BTBD9: variants seen among roughly 807,000 people sequenced by gnomAD.
BTBD9 encodes BTB/POZ domain-containing protein 9.
BTBD9 carries 49 observed loss-of-function variants against 64.3 expected under a neutral mutation model. The ratio of observed to expected loss-of-function variants is 0.76; its 90% CI spans 0.61 to 0.97. The LOEUF (loss-of-function observed/expected upper bound fraction) is 0.97, where lower values mean the gene tolerates loss of function less well. BTBD9 is among the 50% of genes least tolerant of loss of function. The probability of loss-of-function intolerance (pLI) is 0.00; values close to 1 mark genes in which losing one functional copy is unlikely to be tolerated. For missense variants in BTBD9, 598 were observed against 762.1 expected (o/e 0.78, Z 2.53); for synonymous variants, 260 against 274.7 (o/e 0.95, Z 0.53).
chr6:38,434,742 T>A (rs1417970294), intron 6 of BTBD9, among the ~76,000 whole-genome samples: 1 of 152,034 alleles, frequency 6.6e-6, no homozygotes, highest in Non-Finnish European at 1.5e-5. Context: ...CTAGTAGTAG[T>A]CTATCATGCA....
At chr6:38,179,692 C>T (rs759931431) in intron 10 of BTBD9, 51 of 456,664 alleles carry the variant, frequency 1.1e-4, no homozygotes, top group Non-Finnish European at 2.1e-4. Context: ...AACCTCAGGG[C>T]TGTGCCTTCC....
At chr6:38,366,499 G>A (rs951026462) in intron 6 of BTBD9, among the ~76,000 whole-genome samples, 1 of 152,194 alleles carries the variant, frequency 6.6e-6, no homozygotes, top group African/African-American at 2.4e-5. Flanking sequence ...GTCATACAAA[G>A]CATGTATATA....
rs748768284 is a variant in BTBD9, at chr6:38,175,165, G to A, written c.1659C>T (p.His553=). Residue 553 remains histidine (H), a synonymous_variant, in exon 11 of 11, where the codon CAC becomes CAT. Transcript: ENST00000481247. ...TGCTCTGCTGCTCTGGACACTCAAAGTGGACACAGTGGAACACCTGGGAGA... is the reference window on the plus strand; with the variant it reads ...TGCTCTGCTGCTCTGGACACTCAAAATGGACACAGTGGAACACCTGGGAGA... ...NTANEVFHCV[H]FECPEQQSSQ... The A allele has an allele frequency of 1.9e-6, 3 of 1,614,084 alleles. No individual in the cohort carries two copies. The highest frequency in any genetic ancestry group is 2.7e-5 in the African/African-American group (2 of 74,912).
chr6:38,520,264 G>A (rs2127418907), intron 6 of BTBD9, among the ~76,000 whole-genome samples: 1 of 152,216 alleles, frequency 6.6e-6, no homozygotes. Context: ...GACCAGCCTG[G>A]CCAACATGGC....
intron 8 of BTBD9, among the ~76,000 whole-genome samples, chr6:38,272,581 A>G (rs1208260245): frequency 6.6e-6 from 1 of 152,070 alleles, no homozygotes; most frequent in Non-Finnish European, 1.5e-5. Flanking sequence ...AATCTCCATG[A>G]ATTTTCTGCT....
At chr6:38,289,381 A>T (rs532629811) in intron 7 of BTBD9, among the ~76,000 whole-genome samples, 47 of 152,142 alleles carry the variant, frequency 3.1e-4, no homozygotes, top group African/African-American at 8.2e-4. Context: ...CTCAAAAAAA[A>T]TTTTTTTTAA....
At chr6:38,367,658 G>C (rs984633070) in intron 6 of BTBD9, among the ~76,000 whole-genome samples, 1 of 151,908 alleles carries the variant, frequency 6.6e-6, no homozygotes, top group African/African-American at 2.4e-5. Context: ...GACCACAAAT[G>C]GTGCTTTCTT....
intron 6 of BTBD9, among the ~76,000 whole-genome samples, chr6:38,523,889 C>T (rs1053908213): frequency 6.6e-6 from 1 of 152,114 alleles, no homozygotes; most frequent in African/African-American, 2.4e-5. Context: ...CGGTTCACAC[C>T]CAGGCAGTGT....
chr6:38,634,698 C>T (rs1778473405), intron 1 of BTBD9, among the ~76,000 whole-genome samples: 1 of 152,028 alleles, frequency 6.6e-6, no homozygotes, highest in Non-Finnish European at 1.5e-5. Context: ...AAATCATATC[C>T]TCCCCATGAC....
At chr6:38,205,563 T>C (rs189456250) in intron 9 of BTBD9, among the ~76,000 whole-genome samples, 2,886 of 151,820 alleles carry the variant, frequency 0.019, 42 homozygotes, top group Non-Finnish European at 0.032. Flanking sequence ...AATAATAAAA[T>C]AAAAACTTCA....
intron 6 of BTBD9, among the ~76,000 whole-genome samples, chr6:38,501,546 C>A (rs1410484449): frequency 1.3e-5 from 2 of 152,100 alleles, no homozygotes; most frequent in Non-Finnish European, 2.9e-5. Context: ...TCACTGCAGT[C>A]CCTGCCAATT....
intron 7 of BTBD9, among the ~76,000 whole-genome samples, chr6:38,309,430 C>CT (rs903696933): frequency 4.6e-4 from 68 of 146,480 alleles, no homozygotes; most frequent in African/African-American, 6.2e-4. Flanking sequence ...TTATTTAATA[C>CT]TTTTTTTTTT....
chr6:38,345,737 C>T (rs539420349), intron 6 of BTBD9, among the ~76,000 whole-genome samples: 1 of 152,378 alleles, frequency 6.6e-6, no homozygotes, highest in South Asian at 2.1e-4. Context: ...GCCTGCTCTG[C>T]AGCCTCCCTC....
At chr6:38,623,276 C>CT (rs1177926682) in intron 1 of BTBD9, among the ~76,000 whole-genome samples, 2 of 152,174 alleles carry the variant, frequency 1.3e-5, no homozygotes, top group Non-Finnish European at 2.9e-5. Context: ...AAATTAGACT[C>CT]TATCAGTGCC....
intron 6 of BTBD9, among the ~76,000 whole-genome samples, chr6:38,550,617 C>T (rs74678053): frequency 6.6e-6 from 1 of 151,916 alleles, no homozygotes; most frequent in Non-Finnish European, 1.5e-5. Flanking sequence ...TGCCCAGCCT[C>T]TTTTTTTTCT....
chr6:38,579,893 C>T (rs1198101026), intron 5 of BTBD9, among the ~76,000 whole-genome samples: 1 of 151,702 alleles, frequency 6.6e-6, no homozygotes, highest in Non-Finnish European at 1.5e-5. Flanking sequence ...TGTGTCCATG[C>T]ATAATTGAAA....
At chr6:38,491,592 T>TAGGAAATAAA (rs1771704631) in intron 6 of BTBD9, among the ~76,000 whole-genome samples, 2 of 152,214 alleles carry the variant, frequency 1.3e-5, no homozygotes, top group Admixed American at 6.5e-5. Flanking sequence ...AAATGTTATG[T>TAGGAAATAAA]CCTAATTTAT....
rs141065025 is a variant in BTBD9, at chr6:38,207,502, A to G, written c.1563-14905T>C. On this transcript the variant is annotated intron_variant, in intron 9 of 10. Transcript: ENST00000481247. ...GGTAGGTGTGGTGGCACATGCTTGT[A>G]GTCTCAGCTACTTGGAAGGCTGAGG... is the stretch of plus-strand genomic sequence containing the variant. Among the ~76,000 whole-genome samples the G allele has an allele frequency of 3.3e-3, 504 of 152,298 alleles. 2 individuals are homozygous for G. The highest frequency in any genetic ancestry group is 6.8e-3 in the Middle Eastern group (2 of 294).
At chr6:38,440,920 A>G (rs1769001567) in intron 6 of BTBD9, among the ~76,000 whole-genome samples, 1 of 152,180 alleles carries the variant, frequency 6.6e-6, no homozygotes, top group African/African-American at 2.4e-5. Flanking sequence ...TTTGATATTG[A>G]GTACTAAGTT....
Sources: allele counts gnomAD v4.1 joint callset (sites outside exome capture counted in the v4.1 genomes callset), GRCh38; gene constraint gnomAD v4.1.1; transcripts MANE v1.5; gene names NCBI Gene and HGNC (gene_info 2026-07-23, HGNC 2026-07-21).